WDFY4: variants seen among roughly 807,000 people sequenced by gnomAD.
The protein encoded by WDFY4 is WDFY family member 4, also known as WD repeat- and FYVE domain-containing protein 4.
WDFY4 carries 169 observed loss-of-function variants against 351.9 expected under a neutral mutation model. That is an observed-to-expected ratio of 0.48 (90% CI 0.42 to 0.55). The LOEUF is 0.55. Among genes scored for constraint, WDFY4 ranks in the 20% least tolerant of loss-of-function variants. The pLI is 0.00. For synonymous variants in WDFY4, 1,622 were observed against 1,574.6 expected (o/e 1.03, Z -0.71); for missense variants, 3,803 against 3,935.6 (o/e 0.97, Z 0.90).
chr10:48,820,537 G>T (rs1188931566), intron 33 of WDFY4, 100 bp downstream of exon 33: 1 of 1,293,718 alleles, frequency 7.7e-7, no homozygotes, highest in Non-Finnish European at 1.1e-6. Flanking sequence ...AGGGCCTGGG[G>T]GCCACAGCGA....
chr10:48,875,165 T>C, intron 42 of WDFY4, 25 bp downstream of exon 42: 1 of 1,312,300 alleles, frequency 7.6e-7, no homozygotes, highest in Non-Finnish European at 1.0e-6. Context: ...TATTTTTTCC[T>C]TTAATAGTTA....
rs577989400 is a variant in WDFY4, at chr10:48,810,328, A to G, written c.4839-202A>G. Among the ~76,000 whole-genome samples the G allele has an allele frequency of 6.6e-5, 10 of 152,328 alleles. No individual in the cohort carries two copies. The East Asian group carries it at 1.9e-3, about 29-fold the overall frequency. On this transcript the variant is annotated intron_variant, in intron 28 of 61. Coordinates refer to ENST00000325239, the MANE Select transcript of WDFY4 (RefSeq NM_001394531.1). ...GCTGTGGCCAACTTACACTGCAACC[A>G]TTAATAGACAAATGCATCATTTGCA... is the stretch of plus-strand genomic sequence containing the variant.
chr10:48,939,158 A>G (rs1840602491), intron 47 of WDFY4, among the ~76,000 whole-genome samples: 1 of 152,158 alleles, frequency 6.6e-6, no homozygotes. Context: ...TCAGAGGGGG[A>G]CTGGCAGAGC....
In WDFY4 at chr10:48,897,482, TG is replaced by T. The variant is rs749077235; in HGVS notation, c.7346del (p.Cys2449SerfsTer68). ...CAGCGATCCGTTCATTTTCAACCTGTGCAGCAAAGACAGGTCCACTGACCAT... is the reference window on the plus strand; with the variant it reads ...CAGCGATCCGTTCATTTTCAACCTGTCAGCAAAGACAGGTCCACTGACCAT... ...NISDPFIFNL[C>X]SKDRSTDHYS... is the part of the protein sequence containing the mutation. On this transcript the variant is annotated frameshift_variant, in exon 45 of 62. Coordinates refer to ENST00000325239, the MANE Select transcript of WDFY4 (RefSeq NM_001394531.1). LOFTEE classifies it high-confidence loss of function. The T allele has an allele frequency of 1.0e-5, 16 of 1,551,640 alleles. No individual in the cohort carries two copies. Among genetic ancestry groups the T allele is most frequent in the Non-Finnish European group, 1.4e-5 (16 of 1,147,040 alleles).
intron 57 of WDFY4, among the ~76,000 whole-genome samples, chr10:48,973,378 C>T (rs886209574): frequency 3.9e-5 from 6 of 152,212 alleles, no homozygotes; most frequent in Admixed American, 2.6e-4. Flanking sequence ...CATTAACTTG[C>T]CGGCACCATC....
intron 39 of WDFY4, among the ~76,000 whole-genome samples, chr10:48,838,076 G>A (rs959208115): frequency 6.6e-6 from 1 of 152,248 alleles, no homozygotes; most frequent in African/African-American, 2.4e-5. Flanking sequence ...AATGGCCCAT[G>A]CAGGGAAGTC....
At chr10:48,697,738 A>G (rs1292247109) in intron 1 of WDFY4, among the ~76,000 whole-genome samples, 1 of 152,104 alleles carries the variant, frequency 6.6e-6, no homozygotes, top group Non-Finnish European at 1.5e-5. Flanking sequence ...GCCAGCCAGG[A>G]CAACCTTTCT....
intron 57 of WDFY4, among the ~76,000 whole-genome samples, chr10:48,973,143 C>A (rs1271301753): frequency 1.3e-5 from 2 of 152,206 alleles, no homozygotes; most frequent in Non-Finnish European, 2.9e-5. Flanking sequence ...CGTGCCGGCA[C>A]TGGGGCTCAG....
chr10:48,933,007 G>T (rs1554815978), intron 47 of WDFY4, among the ~76,000 whole-genome samples: 1 of 152,134 alleles, frequency 6.6e-6, no homozygotes, highest in Non-Finnish European at 1.5e-5. Flanking sequence ...CTTCTATAAG[G>T]ATAACGCTGG....
chr10:48,954,266 T>C (rs942736770), intron 51 of WDFY4, among the ~76,000 whole-genome samples: 1 of 152,250 alleles, frequency 6.6e-6, no homozygotes, highest in African/African-American at 2.4e-5. Context: ...TCCTCTAGGC[T>C]TGGCTGGCTC....
At chr10:48,813,927 T>A in intron 30 of WDFY4, 30 bp from the exon 31 acceptor site, 1 of 1,493,370 alleles carries the variant, frequency 6.7e-7, no homozygotes, top group East Asian at 2.5e-5. Flanking sequence ...TAGCCGCAGG[T>A]CTGCTTACAG....
chr10:48,838,571 A>C (rs2068486349), intron 39 of WDFY4, among the ~76,000 whole-genome samples: 1 of 152,188 alleles, frequency 6.6e-6, no homozygotes, highest in Non-Finnish European at 1.5e-5. Flanking sequence ...TTTTTGAAAA[A>C]AAAATCATTG....
At position 48,786,870 on chromosome 10, in the gene WDFY4, G is replaced by C; in HGVS notation, c.3808G>C (p.Gly1270Arg). The C allele has an allele frequency of 1.3e-6, 2 of 1,550,328 alleles. No individual in the cohort carries two copies. Among genetic ancestry groups the C allele is most frequent in the South Asian group, 2.4e-5 (2 of 83,858 alleles). ...TAACTTCCAAGCTGTGCATGTCCAA[G>C]GTATGGAGTGTTTTGATTTACAATG... ...CGNFQAVHVQ[G>R]EDLDSEATPF... Residue 1270 changes from glycine (G) to arginine (R), a missense_variant and splice_region_variant, in exon 20 of 62, where the codon GGG (glycine) becomes CGG (arginine). Physicochemically the swap from Gly to Arg is moderately radical, Grantham distance 125. Around this residue, in one of 3 missense-constraint regions of WDFY4, gnomAD observed 3,054 missense variants for 3,148.6 expected, o/e 0.97. Transcript: ENST00000325239.
chr10:48,720,822 T>C (rs1219887338), intron 3 of WDFY4, among the ~76,000 whole-genome samples: 1 of 152,186 alleles, frequency 6.6e-6, no homozygotes, highest in Non-Finnish European at 1.5e-5. Context: ...CGCTGGTCCC[T>C]GGAGGCAGGG....
In WDFY4 at chr10:48,810,673, G is replaced by A. The variant is rs1019883893; in HGVS notation, c.4982G>A (p.Arg1661Lys). 17 of 1,551,498 alleles carry A rather than the reference G, an allele frequency of 1.1e-5. 1 individual carries two copies. The highest frequency in any genetic ancestry group is 1.5e-5 in the Non-Finnish European group (17 of 1,146,958). Residue 1661 changes from arginine to lysine, a missense_variant, in exon 29 of 62, where the codon AGA (arginine) becomes AAA (lysine). By Grantham distance (26) the Arg-to-Lys change is conservative. Around this residue, in one of 3 missense-constraint regions of WDFY4, gnomAD observed 3,054 missense variants for 3,148.6 expected, o/e 0.97. Transcript: ENST00000325239. Reference sequence around the variant, plus strand: ...AGCCCCTCCCTCCGCACACGGTTTAGAGATGGCCTGTGTGCAGGATCCTGG... The same window carrying A: ...AGCCCCTCCCTCCGCACACGGTTTAAAGATGGCCTGTGTGCAGGATCCTGG... ...LASPSLRTRF[R>K]DGLCAGSWVE...
intron 1 of WDFY4, among the ~76,000 whole-genome samples, chr10:48,688,065 G>A (rs753186759): frequency 5.9e-5 from 9 of 152,054 alleles, no homozygotes; most frequent in Admixed American, 2.0e-4. Context: ...TTACAGGCAT[G>A]AGCCACCACA....
intron 24 of WDFY4, among the ~76,000 whole-genome samples, chr10:48,797,511 AT>A (rs1463413259): frequency 6.6e-6 from 1 of 152,196 alleles, no homozygotes; most frequent in Non-Finnish European, 1.5e-5. Context: ...TGTATAATAC[AT>A]TTTTAAAATC....
At chr10:48,699,272 A>G (rs1172881307) in intron 1 of WDFY4, among the ~76,000 whole-genome samples, 1 of 152,214 alleles carries the variant, frequency 6.6e-6, no homozygotes, top group Non-Finnish European at 1.5e-5. Context: ...TCACACACTC[A>G]GTGTTCAGAG....
intron 51 of WDFY4, among the ~76,000 whole-genome samples, chr10:48,954,000 T>C (rs1358180640): frequency 1.3e-5 from 2 of 152,254 alleles, no homozygotes; most frequent in Non-Finnish European, 1.5e-5. Flanking sequence ...AATTATAGAC[T>C]GTCCCCTGAT....
Sources: allele counts gnomAD v4.1 joint callset (sites outside exome capture counted in the v4.1 genomes callset), GRCh38; gene constraint gnomAD v4.1.1; regional missense constraint gnomAD v4.1.1; transcripts MANE v1.5; gene names NCBI Gene and HGNC (gene_info 2026-07-23, HGNC 2026-07-21).